HORMAD2: variants seen among roughly 807,000 people sequenced by gnomAD.
HORMAD2 encodes the protein HORMA domain containing 2, also known as HORMA domain-containing protein 2.
Under a neutral mutation model 38.8 loss-of-function variants are expected in HORMAD2, and 45 were observed. The ratio of observed to expected loss-of-function variants is 1.16; its 90% CI spans 0.91 to 1.49. The LOEUF (loss-of-function observed/expected upper bound fraction) is 1.49, where lower values mean the gene tolerates loss of function less well. Among genes scored for constraint, HORMAD2 ranks in the 40% most tolerant of loss-of-function variants. The pLI is 0.00. For missense variants in HORMAD2, 338 were observed against 367.0 expected, an observed-to-expected ratio of 0.92 and a Z score of 0.65; for synonymous variants, 126 against 122.8, an observed-to-expected ratio of 1.03 and a Z score of -0.17.
intron 10 of HORMAD2, among the ~76,000 whole-genome samples, chr22:30,161,929 T>G (rs1422911519): frequency 6.6e-6 from 1 of 152,204 alleles, no homozygotes; most frequent in Non-Finnish European, 1.5e-5. Context: ...AGTTTAATTA[T>G]ATTTAATACA....
intron 5 of HORMAD2, among the ~76,000 whole-genome samples, chr22:30,109,348 C>T (rs1921455287): frequency 6.7e-6 from 1 of 149,998 alleles, no homozygotes; most frequent in Non-Finnish European, 1.5e-5. Flanking sequence ...TATAGGGTTT[C>T]ACTCTGTTGC....
chr22:30,103,415 G>T, intron 3 of HORMAD2, 22 bp from the exon 4 acceptor site: 1 of 1,438,664 alleles, frequency 7.0e-7, no homozygotes, highest in African/African-American at 1.4e-5. Context: ...GATAAAAATA[G>T]ACTGTGTTTC....
chr22:30,161,645 AT>A (rs1222197957), intron 10 of HORMAD2, among the ~76,000 whole-genome samples: 1 of 152,130 alleles, frequency 6.6e-6, no homozygotes, highest in East Asian at 1.9e-4. Context: ...AGTAACTGAC[AT>A]TTTTCTATTG....
intron 10 of HORMAD2, among the ~76,000 whole-genome samples, chr22:30,172,694 C>T (rs1024853789): frequency 1.3e-5 from 2 of 152,042 alleles, no homozygotes; most frequent in African/African-American, 4.8e-5. Flanking sequence ...TTGAGACTAG[C>T]CTGGCCAATA....
chr22:30,134,200 C>G (rs973822637), intron 10 of HORMAD2, among the ~76,000 whole-genome samples: 4 of 152,008 alleles, frequency 2.6e-5, no homozygotes, highest in African/African-American at 9.7e-5. Context: ...GAGTTCGAGA[C>G]AAGCCTGGCC....
At chr22:30,194,472 C>A in the HORMAD2 span, among the ~76,000 whole-genome samples, 1 of 152,132 alleles carries the variant, frequency 6.6e-6, no homozygotes, top group African/African-American at 2.4e-5. Flanking sequence ...TGTGATGAAG[C>A]AGATTCTCAT....
intron 10 of HORMAD2, among the ~76,000 whole-genome samples, chr22:30,159,885 G>A (rs935539161): frequency 6.6e-6 from 1 of 151,936 alleles, no homozygotes; most frequent in Admixed American, 6.6e-5. Context: ...CTTCCTTACT[G>A]ACTGAGCTTC....
intron 10 of HORMAD2, among the ~76,000 whole-genome samples, chr22:30,174,561 T>G (rs1926315721): frequency 6.6e-6 from 1 of 152,202 alleles, no homozygotes; most frequent in African/African-American, 2.4e-5. Flanking sequence ...TTCTGCAACT[T>G]GTAATTAAAC....
At chr22:30,189,323 C>G in the HORMAD2 span, among the ~76,000 whole-genome samples, 1 of 152,000 alleles carries the variant, frequency 6.6e-6, no homozygotes, top group Non-Finnish European at 1.5e-5. Flanking sequence ...CAAAGAGACT[C>G]CTTCAAGGAA....
chr22:30,155,605 C>T (rs1167592634), intron 10 of HORMAD2, among the ~76,000 whole-genome samples: 1 of 152,090 alleles, frequency 6.6e-6, no homozygotes, highest in Non-Finnish European at 1.5e-5. Flanking sequence ...CTAATAGCCA[C>T]AATGTGGTTT....
chr22:30,179,259 G>A (rs1387290126), downstream of HORMAD2, among the ~76,000 whole-genome samples: 1 of 152,158 alleles, frequency 6.6e-6, no homozygotes, highest in Non-Finnish European at 1.5e-5. Flanking sequence ...AACACACTAT[G>A]CATGTAAGAG....
At chr22:30,193,119 G>C in the HORMAD2 span, among the ~76,000 whole-genome samples, 1 of 152,122 alleles carries the variant, frequency 6.6e-6, no homozygotes, top group Non-Finnish European at 1.5e-5. Context: ...ACTGTATCTA[G>C]GGTCAAAAAA....
the HORMAD2 span, among the ~76,000 whole-genome samples, chr22:30,201,002 G>A: frequency 5.9e-5 from 9 of 151,924 alleles, no homozygotes; most frequent in African/African-American, 9.7e-5. Flanking sequence ...CGCCCACCTC[G>A]GCCTCCCAAA....
the HORMAD2 span, among the ~76,000 whole-genome samples, chr22:30,199,513 TC>T: frequency 6.6e-6 from 1 of 152,242 alleles, no homozygotes; most frequent in Non-Finnish European, 1.5e-5. Flanking sequence ...TTTTGTCTTC[TC>T]TGGGTCCTAT....
At chr22:30,120,440 C>T (rs1013171034) in intron 8 of HORMAD2, among the ~76,000 whole-genome samples, 3 of 152,082 alleles carry the variant, frequency 2.0e-5, no homozygotes, top group Non-Finnish European at 4.4e-5. Flanking sequence ...GGGAAAAATC[C>T]AACATTTCAA....
chr22:30,146,168 T>C (rs5753025), intron 10 of HORMAD2, among the ~76,000 whole-genome samples: 106,961 of 152,112 alleles, frequency 0.7, 38,654 homozygotes, highest in South Asian at 0.87. Flanking sequence ...AAGTATTCAA[T>C]AAAATTCAAC....
intron 10 of HORMAD2, among the ~76,000 whole-genome samples, chr22:30,133,437 G>A (rs1420538358): frequency 1.3e-5 from 2 of 148,246 alleles, no homozygotes; most frequent in African/African-American, 2.5e-5. Context: ...GGATTTGGCA[G>A]ACCTGTTAGT....
chr22:30,191,220 A>G, the HORMAD2 span, among the ~76,000 whole-genome samples: 3 of 152,318 alleles, frequency 2.0e-5, no homozygotes, highest in East Asian at 1.9e-4. Flanking sequence ...GTGGAGAGTC[A>G]GTGCCTGGGT....
At chr22:30,171,398 G>A (rs1926101147) in intron 10 of HORMAD2, among the ~76,000 whole-genome samples, 1 of 152,140 alleles carries the variant, frequency 6.6e-6, no homozygotes, top group Admixed American at 6.6e-5. Context: ...CATGCAGTTA[G>A]CCAAACTAGA....
Sources: gnomAD v4.1 joint callset for allele counts (sites outside exome capture counted in the v4.1 genomes callset) on GRCh38, gnomAD v4.1.1 for gene constraint, MANE v1.5 for transcripts, NCBI Gene and HGNC (gene_info 2026-07-23, HGNC 2026-07-21) for gene names.